The following SLC9A9 variants were observed in gnomAD, a reference collection of about 807,000 sequenced individuals.
SLC9A9 encodes the protein sodium/hydrogen exchanger 9.
SLC9A9 carries 62 observed loss-of-function variants against 77.8 expected under a neutral mutation model. That is an observed-to-expected ratio of 0.80 (90% CI 0.65 to 0.98). SLC9A9 has a LOEUF of 0.98. Among genes scored for constraint, SLC9A9 ranks in the 50% least tolerant of loss-of-function variants. SLC9A9 has a pLI of 0.00. For missense variants in SLC9A9, 775 were observed against 774.9 expected (o/e 1.00, Z 0.00); for synonymous variants, 320 against 283.5 (o/e 1.13, Z -1.29).
chr3:143,540,200 A>G (rs2036664508), intron 9 of SLC9A9, among the ~76,000 whole-genome samples: 1 of 152,108 alleles, frequency 6.6e-6, no homozygotes, highest in Non-Finnish European at 1.5e-5. Flanking sequence ...GGTGATAAAG[A>G]AGCAGAATAA....
chr3:143,664,752 T>C, intron 5 of SLC9A9, among the ~76,000 whole-genome samples: 1 of 152,176 alleles, frequency 6.6e-6, no homozygotes, highest in East Asian at 1.9e-4. Flanking sequence ...CATTATGTAA[T>C]TGTAAAGGGA....
intron 2 of SLC9A9, among the ~76,000 whole-genome samples, chr3:143,797,528 C>T (rs948607397): frequency 6.6e-5 from 10 of 152,028 alleles, no homozygotes; most frequent in African/African-American, 2.4e-4. Context: ...TGAAGAATCA[C>T]CAAAGAAGTG....
At chr3:143,424,271 CTT>C (rs34418520) in intron 12 of SLC9A9, among the ~76,000 whole-genome samples, 37 of 144,254 alleles carry the variant, frequency 2.6e-4, no homozygotes, top group African/African-American at 4.9e-4. Context: ...TACTTGAAAC[CTT>C]TTTTTTTTTT....
At chr3:143,311,027 G>C (rs1468292843) in intron 14 of SLC9A9, among the ~76,000 whole-genome samples, 1 of 152,186 alleles carries the variant, frequency 6.6e-6, no homozygotes, top group Non-Finnish European at 1.5e-5. Context: ...GAAGAACTCT[G>C]TAAACAACTT....
At chr3:143,824,813 T>G (rs2009257395) in intron 2 of SLC9A9, among the ~76,000 whole-genome samples, 1 of 152,226 alleles carries the variant, frequency 6.6e-6, no homozygotes, top group Admixed American at 6.5e-5. Flanking sequence ...ACAGGCCAAC[T>G]TTTTGCCAAA....
chr3:143,338,840 A>G (rs1255885147), intron 14 of SLC9A9, among the ~76,000 whole-genome samples: 4 of 152,190 alleles, frequency 2.6e-5, no homozygotes, highest in Admixed American at 2.0e-4. Context: ...TTACTTGCCC[A>G]AGTCACTCAG....
rs143468139 is a variant in SLC9A9 at position 143,578,674 on chromosome 3, C to A, written c.805G>T (p.Ala269Ser). The change falls in exon 7 of 16, where the codon GCA (alanine) becomes TCA (serine). Residue 269 changes from alanine to serine, a missense_variant. Ala to Ser is a moderately conservative substitution (Grantham distance 99, BLOSUM62 1). Coordinates refer to ENST00000316549, the MANE Select transcript of SLC9A9 (RefSeq NM_173653.4). ...TTCCCCACAGACTGGAAGAATGCTG[C>A]GGCATCAAATGCATTTGGATTCTCC... is the stretch of plus-strand genomic sequence containing the variant. ...PKENPNAFDA[A>S]AFFQSVGNFL... 2.5e-6 allele frequency: 4 copies of A among 1,613,938 alleles called. No individual in the cohort carries two copies. The highest frequency in any genetic ancestry group is 3.3e-5 in the Admixed American group (2 of 59,994).
At chr3:143,770,797 A>G (rs900409413) in intron 4 of SLC9A9, among the ~76,000 whole-genome samples, 3 of 152,198 alleles carry the variant, frequency 2.0e-5, no homozygotes, top group African/African-American at 4.8e-5. Flanking sequence ...ATGACAAAAG[A>G]CTAAACTCAT....
intron 13 of SLC9A9, among the ~76,000 whole-genome samples, chr3:143,368,060 G>A (rs1052052741): frequency 2.0e-5 from 3 of 152,158 alleles, no homozygotes; most frequent in Non-Finnish European, 2.9e-5. Context: ...GCAGCAGAAT[G>A]TTTGATACAT....
intron 4 of SLC9A9, among the ~76,000 whole-genome samples, chr3:143,773,715 T>C (rs545216042): frequency 6.6e-6 from 1 of 152,218 alleles, no homozygotes; most frequent in African/African-American, 2.4e-5. Context: ...AACTCCTGAC[T>C]TCAGGTGATC....
At chr3:143,647,384 G>A (rs531539500) in intron 6 of SLC9A9, among the ~76,000 whole-genome samples, 1 of 152,216 alleles carries the variant, frequency 6.6e-6, no homozygotes, top group African/African-American at 2.4e-5. Flanking sequence ...TGCTAGGATT[G>A]CTTGACTCTA....
chr3:143,266,947 G>C lies in SLC9A9; in HGVS notation c.1711-18C>G, dbSNP rs747363982. On this transcript the variant is annotated intron_variant, in intron 15 of 15. Transcript: ENST00000316549. ...AGCTGTTCCTGGTTGGGAAAAGAGAGAGAGGTGTCACTTCATGATGAAGGC... is the reference window on the plus strand; with the variant it reads ...AGCTGTTCCTGGTTGGGAAAAGAGACAGAGGTGTCACTTCATGATGAAGGC... 2.5e-6 allele frequency: 4 copies of C among 1,611,716 alleles called. No homozygotes were observed. The Admixed American group carries it at 6.7e-5, about 27-fold the overall frequency.
intron 6 of SLC9A9, among the ~76,000 whole-genome samples, chr3:143,616,536 C>G (rs988275284): frequency 6.6e-6 from 1 of 152,132 alleles, no homozygotes; most frequent in Non-Finnish European, 1.5e-5. Flanking sequence ...TATATACAGT[C>G]TATGCTGCTT....
intron 14 of SLC9A9, among the ~76,000 whole-genome samples, chr3:143,323,453 G>T (rs745720671): frequency 3.9e-5 from 6 of 152,126 alleles, no homozygotes; most frequent in Non-Finnish European, 7.4e-5. Context: ...CATCTTAAGT[G>T]GAATAAGCCA....
intron 14 of SLC9A9, among the ~76,000 whole-genome samples, chr3:143,270,568 A>T (rs568143534): frequency 6.6e-6 from 1 of 152,150 alleles, no homozygotes. Context: ...GGTGGACAAG[A>T]TATATGTACA....
intron 14 of SLC9A9, among the ~76,000 whole-genome samples, chr3:143,352,921 C>T (rs985370845): frequency 6.6e-6 from 1 of 152,176 alleles, no homozygotes; most frequent in African/African-American, 2.4e-5. Context: ...GACTCTGTGG[C>T]TCTGTGCTTA....
chr3:143,700,636 C>T (rs1933770016), intron 4 of SLC9A9, among the ~76,000 whole-genome samples: 1 of 152,196 alleles, frequency 6.6e-6, no homozygotes, highest in African/African-American at 2.4e-5. Flanking sequence ...TGAGTACCAG[C>T]TTAGTCATAG....
At chr3:143,621,998 T>G (rs1376288022) in intron 6 of SLC9A9, among the ~76,000 whole-genome samples, 2 of 151,926 alleles carry the variant, frequency 1.3e-5, no homozygotes, top group Non-Finnish European at 2.9e-5. Context: ...TTCAATCAAC[T>G]GGAAGAAAGG....
chr3:143,560,181 G>C (rs2037056785), intron 8 of SLC9A9, among the ~76,000 whole-genome samples: 1 of 152,202 alleles, frequency 6.6e-6, no homozygotes, highest in African/African-American at 2.4e-5. Context: ...CCTTCAGTAG[G>C]TTTGGGGTAG....
Sources: gnomAD v4.1 joint callset for allele counts (sites outside exome capture counted in the v4.1 genomes callset) on GRCh38, gnomAD v4.1.1 for gene constraint, MANE v1.5 for transcripts, NCBI Gene and HGNC (gene_info 2026-07-23, HGNC 2026-07-21) for gene names.